Variants in CDKAL1 observed in about 807,000 individuals in gnomAD.
CDKAL1 encodes the protein threonylcarbamoyladenosine tRNA methylthiotransferase.
CDKAL1 carries 32 observed loss-of-function variants against 68.2 expected under a neutral mutation model. The ratio of observed to expected loss-of-function variants is 0.47; its 90% CI spans 0.35 to 0.63. The LOEUF (loss-of-function observed/expected upper bound fraction) is 0.63. Ranked by LOEUF, CDKAL1 falls within the 30% of genes least tolerant of loss-of-function variation. The pLI, the probability that CDKAL1 is intolerant of heterozygous loss-of-function variation, is 0.00. For synonymous variants in CDKAL1, 234 were observed against 244.3 expected, an observed-to-expected ratio of 0.96 and a Z score of 0.39; for missense variants, 606 against 696.7, an observed-to-expected ratio of 0.87 and a Z score of 1.47.
intron 10 of CDKAL1, among the ~76,000 whole-genome samples, chr6:20,967,822 T>G (rs1202193638): frequency 6.6e-6 from 1 of 152,238 alleles, no homozygotes. Context: ...GGTTTTCATT[T>G]ATCTGGAAAT....
At chr6:20,793,533 A>G (rs1441868795) in intron 8 of CDKAL1, among the ~76,000 whole-genome samples, 1 of 152,124 alleles carries the variant, frequency 6.6e-6, no homozygotes, top group East Asian at 1.9e-4. Flanking sequence ...AAGTGAGTTG[A>G]CTTGCACTTA....
At chr6:20,860,595 G>C (rs562999210) in intron 9 of CDKAL1, among the ~76,000 whole-genome samples, 2 of 152,164 alleles carry the variant, frequency 1.3e-5, no homozygotes, top group African/African-American at 4.8e-5. Context: ...GAGGCCAAGT[G>C]GGGGCAGATC....
chr6:21,208,574 C>T (rs1779027936), intron 15 of CDKAL1, among the ~76,000 whole-genome samples: 1 of 151,248 alleles, frequency 6.6e-6, no homozygotes, highest in Non-Finnish European at 1.5e-5. Context: ...CCTTCCACCC[C>T]CAAGATAACT....
At chr6:20,671,820 C>G (rs1372454750) in intron 5 of CDKAL1, among the ~76,000 whole-genome samples, 1 of 152,036 alleles carries the variant, frequency 6.6e-6, no homozygotes, top group African/African-American at 2.4e-5. Flanking sequence ...CTTACTACAG[C>G]CTTGAGATCA....
intron 8 of CDKAL1, among the ~76,000 whole-genome samples, chr6:20,843,557 G>A (rs1291198250): frequency 6.6e-6 from 1 of 151,956 alleles, no homozygotes; most frequent in East Asian, 1.9e-4. Context: ...TGTTTCATGT[G>A]CACCTTATAC....
At chr6:20,699,371 T>C (rs190325815) in intron 5 of CDKAL1, among the ~76,000 whole-genome samples, 1 of 151,490 alleles carries the variant, frequency 6.6e-6, no homozygotes, top group Admixed American at 6.6e-5. Context: ...TCATCTTTTT[T>C]AGTTACAAGA....
chr6:20,918,363 T>G (rs966077443), intron 9 of CDKAL1, among the ~76,000 whole-genome samples: 2 of 152,182 alleles, frequency 1.3e-5, no homozygotes, highest in African/African-American at 4.8e-5. Context: ...ATCACAAACT[T>G]TACCTGTTTT....
At chr6:20,587,828 G>A (rs1230355582) in intron 4 of CDKAL1, among the ~76,000 whole-genome samples, 1 of 152,122 alleles carries the variant, frequency 6.6e-6, no homozygotes, top group Admixed American at 6.5e-5. Context: ...GGGTACTGTG[G>A]CTCATGCTTG....
At chr6:21,059,160 C>A (rs901433432) in intron 11 of CDKAL1, among the ~76,000 whole-genome samples, 8 of 152,226 alleles carry the variant, frequency 5.3e-5, no homozygotes, top group Non-Finnish European at 1.2e-4. Flanking sequence ...AGGAATGGAT[C>A]AGGGTCCCAC....
chr6:20,756,400 G>A (rs763571592), intron 6 of CDKAL1, among the ~76,000 whole-genome samples: 14 of 151,950 alleles, frequency 9.2e-5, no homozygotes, highest in Admixed American at 5.2e-4. Context: ...TTTGATTCCC[G>A]TATTGTTAAA....
At chr6:21,181,690 TAGTC>T (rs1366912829) in intron 13 of CDKAL1, among the ~76,000 whole-genome samples, 49 of 152,340 alleles carry the variant, frequency 3.2e-4, no homozygotes, top group African/African-American at 1.1e-3. Context: ...ATAGTTTTCT[TAGTC>T]AGTATTTTGA....
At chr6:21,215,757 A>G (rs570451378) in intron 15 of CDKAL1, among the ~76,000 whole-genome samples, 41 of 152,240 alleles carry the variant, frequency 2.7e-4, no homozygotes, top group African/African-American at 8.4e-4. Context: ...CAGCAACTCA[A>G]CAGTATCACC....
At chr6:21,007,503 AAAAAAAG>A (rs1767795969) in intron 11 of CDKAL1, among the ~76,000 whole-genome samples, 2 of 150,980 alleles carry the variant, frequency 1.3e-5, no homozygotes, top group Admixed American at 1.3e-4. Flanking sequence ...AAAAAAAAAA[AAAAAAAG>A]CCCACAATGA....
Position 20,649,333 on chromosome 6 carries a change from C to T in CDKAL1, c.327C>T (p.Cys109=), listed in dbSNP as rs758656634. The T allele has an allele frequency of 5.0e-6, 8 of 1,607,416 alleles. No individual in the cohort carries two copies. The highest frequency in any genetic ancestry group is 2.2e-5 in the East Asian group (1 of 44,624). ...CAGATTTATGGCTCCTGAACAGTTG[C>T]ACTGTAAAAAACCCAGCTGAAGACC... is the stretch of plus-strand genomic sequence containing the variant. ...SDADLWLLNS[C]TVKNPAEDHF... Residue 109 remains cysteine (C), a synonymous_variant, in exon 5 of 16, where the codon TGC becomes TGT. Coordinates refer to ENST00000274695, the MANE Select transcript of CDKAL1 (RefSeq NM_017774.3).
At chr6:20,983,660 G>A (rs759563583) in intron 10 of CDKAL1, among the ~76,000 whole-genome samples, 59 of 152,226 alleles carry the variant, frequency 3.9e-4, no homozygotes, top group Non-Finnish European at 6.6e-4. Context: ...GGCTGAGGTT[G>A]CAGTGAGCTG....
At chr6:20,547,149 A>G (rs957632530) in intron 3 of CDKAL1, among the ~76,000 whole-genome samples, 1 of 152,102 alleles carries the variant, frequency 6.6e-6, no homozygotes, top group Admixed American at 6.6e-5. Flanking sequence ...ATTTTAGAGC[A>G]TTGTGGATTT....
At chr6:20,769,552 G>A (rs889904231) in intron 7 of CDKAL1, among the ~76,000 whole-genome samples, 5 of 151,846 alleles carry the variant, frequency 3.3e-5, no homozygotes, top group South Asian at 2.1e-4. Context: ...CCACCACACC[G>A]GCCTTGATCA....
In CDKAL1 at chr6:20,581,008, C is replaced by T. The variant is rs926352031; in HGVS notation, c.286+32303C>T. Among the ~76,000 whole-genome samples, 12 of 152,084 alleles carry T rather than the reference C, an allele frequency of 7.9e-5. No homozygotes were observed. In the East Asian group the frequency reaches 1.9e-3, roughly 24 times the overall value. On this transcript the variant is annotated intron_variant, in intron 4 of 15. Transcript: ENST00000274695. Reference sequence around the variant, plus strand: ...TTCTTCATGTTGGTCAGGCTGGTTTCGAACTCCCGACCTCAGGTGATCCGC... The same window carrying T: ...TTCTTCATGTTGGTCAGGCTGGTTTTGAACTCCCGACCTCAGGTGATCCGC...
At chr6:20,639,366 A>G (rs1193501852) in intron 4 of CDKAL1, among the ~76,000 whole-genome samples, 1 of 152,062 alleles carries the variant, frequency 6.6e-6, no homozygotes, top group Non-Finnish European at 1.5e-5. Flanking sequence ...CCACCACCAT[A>G]CAAAGGGCCA....
Sources: allele counts gnomAD v4.1 joint callset (sites outside exome capture counted in the v4.1 genomes callset), GRCh38; gene constraint gnomAD v4.1.1; transcripts MANE v1.5; gene names NCBI Gene and HGNC (gene_info 2026-07-23, HGNC 2026-07-21).